Variants in CNTNAP5 observed in about 807,000 individuals in gnomAD.
The protein encoded by CNTNAP5 is contactin associated protein family member 5.
A neutral mutation model predicts 150.2 loss-of-function variants in CNTNAP5; 72 were observed. The ratio of observed to expected loss-of-function variants is 0.48; its 90% confidence interval spans 0.40 to 0.58. The LOEUF (loss-of-function observed/expected upper bound fraction) is 0.58. Ranked by LOEUF, CNTNAP5 falls within the 20% of genes least tolerant of loss-of-function variation. The pLI, the probability that CNTNAP5 is intolerant of heterozygous loss-of-function variation, is 0.00. For missense variants in CNTNAP5, 1,636 were observed against 1,626.2 expected, an observed-to-expected ratio of 1.01 and a Z score of -0.10; for synonymous variants, 672 against 619.8, an observed-to-expected ratio of 1.08 and a Z score of -1.25.
At chr2:124,064,541 A>C (rs2104657110) in intron 1 of CNTNAP5, among the ~76,000 whole-genome samples, 1 of 152,278 alleles carries the variant, frequency 6.6e-6, no homozygotes, top group African/African-American at 2.4e-5. Context: ...GGTCTCCTGC[A>C]TCCATCAATT....
Position 124,242,210 on chromosome 2 carries a change from T to C in CNTNAP5, c.198T>C (p.Gly66=), listed in dbSNP as rs1573861306. ...AQLNWRVGTG[G]WSPADSNAQQ... is the part of the protein sequence containing the mutation. ...CTGATCCTGTTCCAGGAACTGGCGG[T>C]TGGTCCCCAGCAGATTCCAATGCTC... The change falls in exon 3 of 24, where the codon GGT becomes GGC. Residue 66 remains glycine, a synonymous_variant. Coordinates refer to ENST00000682447, the MANE Select transcript of CNTNAP5 (RefSeq NM_001367498.1). 6.3e-7 allele frequency: 1 copy of C among 1,588,622 alleles called. No individual in the cohort carries two copies. Among genetic ancestry groups the C allele is most frequent in the African/African-American group, 1.3e-5 (1 of 74,538 alleles).
At chr2:124,403,610 A>ATT (rs1362360730) in intron 3 of CNTNAP5, among the ~76,000 whole-genome samples, 6 of 152,228 alleles carry the variant, frequency 3.9e-5, no homozygotes, top group Admixed American at 3.3e-4. Flanking sequence ...TTTAAGAAAT[A>ATT]CTGTGCTCCA....
At chr2:124,265,364 AATT>A (rs1486563508) in intron 3 of CNTNAP5, among the ~76,000 whole-genome samples, 1 of 152,040 alleles carries the variant, frequency 6.6e-6, no homozygotes, top group East Asian at 1.9e-4. Context: ...TGCACACTCT[AATT>A]ATGCTAATAA....
chr2:124,485,368 C>T (rs1693846649), intron 7 of CNTNAP5, among the ~76,000 whole-genome samples: 1 of 152,106 alleles, frequency 6.6e-6, no homozygotes, highest in Non-Finnish European at 1.5e-5. Flanking sequence ...AATCCCAGCA[C>T]TTTGGGAGGC....
intron 3 of CNTNAP5, among the ~76,000 whole-genome samples, chr2:124,288,876 A>G (rs1186851960): frequency 6.6e-6 from 1 of 152,182 alleles, no homozygotes; most frequent in African/African-American, 2.4e-5. Flanking sequence ...AACTCAACCA[A>G]CTTTCCTTGA....
At chr2:124,065,969 T>C (rs184142557) in intron 1 of CNTNAP5, among the ~76,000 whole-genome samples, 3 of 152,306 alleles carry the variant, frequency 2.0e-5, no homozygotes. Context: ...TGGAGAAATA[T>C]ATTCTGAAGC....
intron 1 of CNTNAP5, among the ~76,000 whole-genome samples, chr2:124,081,554 G>A (rs1405551381): frequency 1.3e-5 from 2 of 152,132 alleles, no homozygotes; most frequent in Non-Finnish European, 2.9e-5. Context: ...TTCCTTTTCT[G>A]AGTCATAGGC....
At chr2:124,500,108 C>T (rs188391223) in intron 7 of CNTNAP5, among the ~76,000 whole-genome samples, 83 of 152,186 alleles carry the variant, frequency 5.5e-4, no homozygotes, top group Non-Finnish European at 1.0e-3. Context: ...ATGCCCTCAA[C>T]GGAGTGGATG....
At chr2:124,571,752 G>A (rs565058921) in intron 11 of CNTNAP5, among the ~76,000 whole-genome samples, 143 of 151,324 alleles carry the variant, frequency 9.4e-4, no homozygotes, top group African/African-American at 3.2e-3. Context: ...GGCTGGTCTC[G>A]AACTCCTGAC....
intron 3 of CNTNAP5, among the ~76,000 whole-genome samples, chr2:124,327,941 T>C (rs527946705): frequency 1.3e-5 from 2 of 152,316 alleles, no homozygotes; most frequent in East Asian, 3.9e-4. Flanking sequence ...CAGATACTTT[T>C]ATGTCATAAG....
At chr2:124,676,592 A>G (rs772622519) in intron 13 of CNTNAP5, among the ~76,000 whole-genome samples, 11 of 152,224 alleles carry the variant, frequency 7.2e-5, no homozygotes, top group Non-Finnish European at 1.5e-4. Flanking sequence ...GTGAGATTTG[A>G]GAAAGGTCAA....
chr2:124,417,409 A>G (rs1199253249), intron 3 of CNTNAP5, 34 bp from the exon 4 acceptor site: 2 of 1,604,240 alleles, frequency 1.2e-6, no homozygotes, highest in East Asian at 4.5e-5. Context: ...CCATGATAGC[A>G]CAGACCTCAC....
intron 19 of CNTNAP5, among the ~76,000 whole-genome samples, chr2:124,857,521 A>G (rs1052542958): frequency 4.6e-5 from 7 of 151,950 alleles, no homozygotes; most frequent in African/African-American, 1.7e-4. Context: ...TGGGATTTTC[A>G]AGATACGTAT....
intron 3 of CNTNAP5, among the ~76,000 whole-genome samples, chr2:124,382,985 C>T (rs1474166027): frequency 6.6e-6 from 1 of 152,018 alleles, no homozygotes; most frequent in African/African-American, 2.4e-5. Context: ...TTTGAAATGT[C>T]AAGTTTTCAA....
chr2:124,747,551 C>T (rs1327316603), intron 14 of CNTNAP5, among the ~76,000 whole-genome samples, 166 bp downstream of exon 14: 1 of 149,996 alleles, frequency 6.7e-6, no homozygotes, highest in Non-Finnish European at 1.5e-5. Context: ...CTAGTGTTTT[C>T]AGTATGACAA....
At chr2:124,606,317 G>T (rs2104979836) in intron 11 of CNTNAP5, among the ~76,000 whole-genome samples, 1 of 151,814 alleles carries the variant, frequency 6.6e-6, no homozygotes, top group African/African-American at 2.4e-5. Context: ...GGGATAAAAA[G>T]GGCTAAATTC....
intron 1 of CNTNAP5, among the ~76,000 whole-genome samples, chr2:124,218,706 G>A (rs944647816): frequency 1.1e-4 from 17 of 152,114 alleles, no homozygotes; most frequent in African/African-American, 4.1e-4. Flanking sequence ...AAGTTAATGG[G>A]CTCTGGAAGC....
intron 13 of CNTNAP5, among the ~76,000 whole-genome samples, chr2:124,697,483 T>G (rs1262966980): frequency 1.3e-5 from 2 of 152,138 alleles, no homozygotes; most frequent in Non-Finnish European, 2.9e-5. Context: ...TAATCCAGTG[T>G]TATCTCTCTG....
chr2:124,482,666 C>T (rs12464390), intron 7 of CNTNAP5, among the ~76,000 whole-genome samples: 3,466 of 152,064 alleles, frequency 0.023, 131 homozygotes, highest in East Asian at 0.16. Flanking sequence ...AGCTTGAGGG[C>T]GGAATCCTTG....
Sources: gnomAD v4.1 joint callset for allele counts (sites outside exome capture counted in the v4.1 genomes callset) on GRCh38, gnomAD v4.1.1 for gene constraint, MANE v1.5 for transcripts, NCBI Gene and HGNC (gene_info 2026-07-23, HGNC 2026-07-21) for gene names.